Variants in AAR2 observed in about 807,000 individuals in gnomAD.
AAR2 encodes protein AAR2 homolog.
In AAR2, 31 loss-of-function variants were observed where a neutral mutation model predicts 26.9. The ratio of observed to expected loss-of-function variants is 1.15; its 90% CI spans 0.86 to 1.55. The LOEUF is 1.55. AAR2 is among the 40% of genes most tolerant of loss of function. The probability of loss-of-function intolerance (pLI) is 0.00; values close to 1 mark genes in which losing one functional copy is unlikely to be tolerated. For synonymous variants in AAR2, 188 were observed against 196.1 expected (o/e 0.96, Z 0.34); for missense variants, 430 against 491.3 (o/e 0.88, Z 1.18).
In AAR2 at chr20:36,240,214, C is replaced by T; in HGVS notation, c.346C>T (p.Gln116Ter). 1 of 1,614,224 alleles carries T rather than the reference C, an allele frequency of 6.2e-7. No homozygotes were observed. The highest frequency in any genetic ancestry group is 1.3e-5 in the African/African-American group (1 of 75,068). Residue 116 changes from glutamine to a stop codon, truncating the protein, a stop_gained, in exon 2 of 4, where the codon CAG (glutamine) becomes TAG (stop). Transcript: ENST00000320849. LOFTEE classifies it high-confidence loss of function. ...SEVEAMRANL[Q>*]ELDQFLGPYP... Reference sequence around the variant, plus strand: ...GGTGGAGGCCATGAGGGCCAACCTCCAGGAGCTGGACCAGTTCCTGGGGCC... The same window carrying T: ...GGTGGAGGCCATGAGGGCCAACCTCTAGGAGCTGGACCAGTTCCTGGGGCC...
intron 3 of AAR2, among the ~76,000 whole-genome samples, chr20:36,250,571 C>A (rs1384612364): frequency 6.6e-6 from 1 of 152,064 alleles, no homozygotes; most frequent in Non-Finnish European, 1.5e-5. Flanking sequence ...TTTACAAATA[C>A]CAAGTTTGTG....
chr20:36,244,023 C>G (rs1175972821), intron 2 of AAR2, among the ~76,000 whole-genome samples: 3 of 152,240 alleles, frequency 2.0e-5, no homozygotes, highest in African/African-American at 7.2e-5. Flanking sequence ...GTGGGAGGTT[C>G]CAGAACTGTT....
intron 1 of AAR2, among the ~76,000 whole-genome samples, chr20:36,237,211 C>A (rs1220121437): frequency 3.9e-5 from 6 of 152,166 alleles, no homozygotes; most frequent in Non-Finnish European, 4.4e-5. Context: ...AGGAGTCAGA[C>A]CGTGCAGGCT....
chr20:36,238,451 A>G (rs2064641169), intron 1 of AAR2, among the ~76,000 whole-genome samples: 1 of 152,148 alleles, frequency 6.6e-6, no homozygotes, highest in African/African-American at 2.4e-5. Context: ...GCACTGCTTT[A>G]TTTAAAGTAA....
intron 2 of AAR2, among the ~76,000 whole-genome samples, chr20:36,242,452 G>A (rs1393822812): frequency 6.6e-6 from 1 of 152,034 alleles, no homozygotes; most frequent in Non-Finnish European, 1.5e-5. Flanking sequence ...GTGCAGTGGT[G>A]TGAGTTCGGC....
chr20:36,252,974 G>A (rs1188100681), intron 3 of AAR2, among the ~76,000 whole-genome samples: 1 of 152,148 alleles, frequency 6.6e-6, no homozygotes. Flanking sequence ...ACACAGCCCT[G>A]CTAATTAGTT....
intron 2 of AAR2, among the ~76,000 whole-genome samples, chr20:36,244,281 C>A (rs181263941): frequency 7.9e-5 from 12 of 152,326 alleles, no homozygotes; most frequent in African/African-American, 2.4e-5. Flanking sequence ...CCCATCATCT[C>A]TCCTCCACCA....
intron 3 of AAR2, among the ~76,000 whole-genome samples, chr20:36,247,621 A>T (rs1466626855): frequency 1.3e-5 from 2 of 152,176 alleles, no homozygotes; most frequent in Non-Finnish European, 2.9e-5. Context: ...TGATCTCAGC[A>T]CTTTGGGAGG....
At chr20:36,236,629 G>A (rs1471068732) in intron 1 of AAR2, 126 bp downstream of exon 1, 2 of 152,396 alleles carry the variant, frequency 1.3e-5, no homozygotes, top group South Asian at 4.1e-4. Context: ...CGGGGCGGCT[G>A]GTTCTCTGTT....
Position 36,239,829 on chromosome 20 carries a change from C to G in AAR2, c.-40C>G. ...GTTTCTTTCTTTCTCAGCTGTTCAT[C>G]AAAGAAAAAGGGTTCTTTTGGTCAC... On this transcript the variant is annotated 5_prime_UTR_variant, in exon 2 of 4. It adds an upstream start codon to the 5' untranslated region. Coordinates refer to ENST00000320849, the MANE Select transcript of AAR2 (RefSeq NM_001271874.2). 6.6e-7 allele frequency: 1 copy of G among 1,519,116 alleles called. No homozygotes were observed. The highest frequency in any genetic ancestry group is 2.3e-5 in the East Asian group (1 of 43,898). The allele number at this position is 1,519,116 out of a possible 1,614,324, so 94.1% of individuals were successfully genotyped here.
Position 36,240,456 on chromosome 20 carries a change from A to G in AAR2, c.588A>G (p.Pro196=), listed in dbSNP as rs754678537. The change falls in exon 2 of 4, where the codon CCA becomes CCG. Residue 196 remains proline, a synonymous_variant. Transcript: ENST00000320849. ...ACCAAGAGGGCCTGGCCCGGCTACC[A>G]GAGATGAAGCCCAGAGCCGGGACAG... ...KSYQEGLARL[P]EMKPRAGTEI... 16 of 1,614,196 alleles carry G rather than the reference A, an allele frequency of 9.9e-6. No individual in the cohort carries two copies. The highest frequency in any genetic ancestry group is 9.9e-5 in the South Asian group (9 of 91,088).
At chr20:36,247,406 A>G (rs2147293911) in intron 3 of AAR2, among the ~76,000 whole-genome samples, 1 of 152,124 alleles carries the variant, frequency 6.6e-6, no homozygotes, top group East Asian at 1.9e-4. Flanking sequence ...TGCGTGGAAA[A>G]TTAAAAGCCT....
chr20:36,249,459 TA>T (rs2064764614), intron 3 of AAR2, among the ~76,000 whole-genome samples: 1 of 152,238 alleles, frequency 6.6e-6, no homozygotes, highest in Non-Finnish European at 1.5e-5. Flanking sequence ...AACCTGTTTT[TA>T]AAAATACTTC....
At chr20:36,242,483 C>T (rs1010159463) in intron 2 of AAR2, among the ~76,000 whole-genome samples, 3 of 151,900 alleles carry the variant, frequency 2.0e-5, no homozygotes, top group South Asian at 4.2e-4. Context: ...CTCCGCCTCC[C>T]GGGTTCACGC....
In AAR2 at chr20:36,244,776, C is replaced by A. The variant is rs1209962275; in HGVS notation, c.837C>A (p.Asn279Lys). Reference protein sequence around the residue: ...EAFEHWKRLLNLLCRSEAAMM... With the variant: ...EAFEHWKRLLKLLCRSEAAMM... ...TTGAGCATTGGAAGCGGCTCCTGAACCTCCTGTGCCGGTCAGAAGCAGCCA... is the reference window on the plus strand; with the variant it reads ...TTGAGCATTGGAAGCGGCTCCTGAAACTCCTGTGCCGGTCAGAAGCAGCCA... Residue 279 changes from asparagine to lysine, a missense_variant, in exon 3 of 4, where the codon AAC becomes AAA. By Grantham distance (94) the Asn-to-Lys change is moderately conservative. Coordinates refer to ENST00000320849, the MANE Select transcript of AAR2 (RefSeq NM_001271874.2). The A allele has an allele frequency of 6.2e-7, 1 of 1,614,202 alleles. No homozygotes were observed. Among genetic ancestry groups the A allele is most frequent in the Admixed American group, 1.7e-5 (1 of 60,032 alleles).
At chr20:36,237,337 A>G (rs1237564893) in intron 1 of AAR2, among the ~76,000 whole-genome samples, 1 of 152,158 alleles carries the variant, frequency 6.6e-6, no homozygotes, top group African/African-American at 2.4e-5. Context: ...CTGCTGTTGA[A>G]TGGAGAATGG....
In AAR2 at chr20:36,255,801, C is replaced by A; in HGVS notation, c.*56C>A. On this transcript the variant is annotated 3_prime_UTR_variant, in exon 4 of 4. Transcript: ENST00000320849. Reference sequence around the variant, plus strand: ...CCTTCCCACAGGGCTGCAGTCCTGGCCTCTCCATTTACTTCTTCCCATCCT... The same window carrying A: ...CCTTCCCACAGGGCTGCAGTCCTGGACTCTCCATTTACTTCTTCCCATCCT... The A allele has an allele frequency of 6.3e-7, 1 of 1,591,074 alleles. No homozygotes were observed. The highest frequency in any genetic ancestry group is 8.6e-7 in the Non-Finnish European group (1 of 1,166,224).
rs1225383196 is a variant in AAR2 at position 36,240,714 on chromosome 20, C to T, written c.757+89C>T. 1.2e-5 allele frequency: 18 copies of T among 1,464,026 alleles called. No individual in the cohort carries two copies. The South Asian group carries it at 2.2e-4, about 18-fold the overall frequency. 90.7% of individuals were successfully genotyped at this position (1,464,026 alleles called of 1,614,324 possible). A position where few individuals can be genotyped will look rare whatever the true frequency, so the allele number is the denominator to read the frequency against. On this transcript the variant is annotated intron_variant, in intron 2 of 3. Transcript: ENST00000320849. ...AATAGGGAGTACATCTTGTGTTAGT[C>T]CAGCAGCAACTAAACCTGGCTAGGA...
rs181850828 is a variant in AAR2 at position 36,237,750 on chromosome 20, G to T, written c.-49+1247G>T. Among the ~76,000 whole-genome samples, 40 of 139,050 alleles carry T rather than the reference G, an allele frequency of 2.9e-4. No individual in the cohort carries two copies. In the South Asian group the frequency reaches 5.1e-3, roughly 18 times the overall value. The allele number at this position is 139,050 out of a possible 152,430, so 91.2% of individuals were successfully genotyped here. On this transcript the variant is annotated intron_variant, in intron 1 of 3. Transcript: ENST00000320849. ...AGGATTACAAATAGGAAGATGATAC[G>T]TATTATTATTATTATTATTATTATT...
Sources: allele counts gnomAD v4.1 joint callset (sites outside exome capture counted in the v4.1 genomes callset), GRCh38; gene constraint gnomAD v4.1.1; transcripts MANE v1.5; gene names NCBI Gene and HGNC (gene_info 2026-07-23, HGNC 2026-07-21).